SLC6A11: variants seen among roughly 807,000 people sequenced by gnomAD.
SLC6A11 encodes solute carrier family 6 member 11.
Under a neutral mutation model 74.8 loss-of-function variants are expected in SLC6A11, and 25 were observed. The observed-to-expected ratio is 0.33, with a 90% CI of 0.24 to 0.47. The LOEUF is 0.47. SLC6A11 is among the 20% of genes least tolerant of loss of function. The probability of loss-of-function intolerance (pLI) is 1.00; values close to 1 mark genes in which losing one functional copy is unlikely to be tolerated. For synonymous variants in SLC6A11, 330 were observed against 330.2 expected (o/e 1.00, Z 0.01); for missense variants, 574 against 837.0 (o/e 0.69, Z 3.88).
intron 6 of SLC6A11, among the ~76,000 whole-genome samples, chr3:10,904,471 G>C (rs2106621986): frequency 6.6e-6 from 1 of 152,314 alleles, no homozygotes; most frequent in South Asian, 2.1e-4. Context: ...TGCACTGCCA[G>C]AACGCCCCCC....
intron 5 of SLC6A11, among the ~76,000 whole-genome samples, chr3:10,871,557 A>T: frequency 6.6e-6 from 1 of 152,110 alleles, no homozygotes; most frequent in Admixed American, 6.5e-5. Flanking sequence ...GGAGGGGGTG[A>T]TTTTGAAGGA....
chr3:10,935,237 G>A (rs754137627), intron 13 of SLC6A11, 38 bp downstream of exon 13: 3 of 1,598,540 alleles, frequency 1.9e-6, no homozygotes, highest in East Asian at 4.5e-5. Context: ...GTTTGGGCAG[G>A]GTTCGCGCCT....
chr3:10,855,694 AACAG>A (rs71055840), intron 5 of SLC6A11, among the ~76,000 whole-genome samples: 28,469 of 152,094 alleles, frequency 0.19, 3,384 homozygotes, highest in South Asian at 0.34. Flanking sequence ...CAGACTAGTA[AACAG>A]ACAGTTACAA....
chr3:10,937,363 G>C (rs1472996891), intron 13 of SLC6A11, among the ~76,000 whole-genome samples: 1 of 152,210 alleles, frequency 6.6e-6, no homozygotes, highest in Non-Finnish European at 1.5e-5. Flanking sequence ...CACAGAGGAG[G>C]CACCTATTAA....
At chr3:10,883,530 G>T (rs988280589) in intron 6 of SLC6A11, among the ~76,000 whole-genome samples, 2 of 152,148 alleles carry the variant, frequency 1.3e-5, no homozygotes, top group African/African-American at 2.4e-5. Flanking sequence ...CTGAGACTAA[G>T]GCGTCCAAAC....
chr3:10,898,846 C>A (rs1248254514), intron 6 of SLC6A11, among the ~76,000 whole-genome samples: 1 of 152,102 alleles, frequency 6.6e-6, no homozygotes. Context: ...TCCATTTTCA[C>A]GTTGCTGATA....
intron 4 of SLC6A11, 59 bp from the exon 5 acceptor site, chr3:10,844,155 A>G: frequency 1.9e-6 from 3 of 1,606,788 alleles, no homozygotes; most frequent in Non-Finnish European, 2.6e-6. Flanking sequence ...CTGCAGTACT[A>G]GCTTTGCTGA....
At chr3:10,857,528 C>A (rs1694652939) in intron 5 of SLC6A11, among the ~76,000 whole-genome samples, 1 of 152,104 alleles carries the variant, frequency 6.6e-6, no homozygotes, top group Non-Finnish European at 1.5e-5. Flanking sequence ...TGAACTAGAA[C>A]CCCCAGTGAG....
intron 4 of SLC6A11, among the ~76,000 whole-genome samples, chr3:10,837,695 G>A (rs1460314308): frequency 6.6e-6 from 1 of 152,222 alleles, no homozygotes; most frequent in African/African-American, 2.4e-5. Context: ...CCCTGAGGGT[G>A]GAACAGCCTG....
intron 6 of SLC6A11, among the ~76,000 whole-genome samples, chr3:10,909,980 C>A (rs1057398171): frequency 2.0e-5 from 3 of 152,184 alleles, no homozygotes; most frequent in Non-Finnish European, 4.4e-5. Flanking sequence ...TCTCATACCC[C>A]CCACACATCG....
chr3:10,862,307 GT>G, intron 5 of SLC6A11, among the ~76,000 whole-genome samples: 1 of 152,304 alleles, frequency 6.6e-6, no homozygotes, highest in Middle Eastern at 3.4e-3. Context: ...CTGTTGGAAT[GT>G]TTATGTTGCT....
At chr3:10,849,794 C>CAAAAAAAAAAAAAAAAAA (rs56099322) in intron 5 of SLC6A11, among the ~76,000 whole-genome samples, 1 of 87,248 alleles carries the variant, frequency 1.1e-5, no homozygotes, top group Non-Finnish European at 2.2e-5. Flanking sequence ...TTGTTGAAGC[C>CAAAAAAAAAAAAAAAAAA]AAAAAAAAAA....
chr3:10,891,330 C>A (rs1695105383), intron 6 of SLC6A11, among the ~76,000 whole-genome samples: 1 of 152,174 alleles, frequency 6.6e-6, no homozygotes, highest in Non-Finnish European at 1.5e-5. Flanking sequence ...AATATTAACC[C>A]TCAGCATTTA....
At chr3:10,924,633 C>T (rs1695578875) in intron 8 of SLC6A11, among the ~76,000 whole-genome samples, 1 of 151,548 alleles carries the variant, frequency 6.6e-6, no homozygotes, top group Non-Finnish European at 1.5e-5. Flanking sequence ...AAAGAACGCT[C>T]ACAATCAAAT....
intron 5 of SLC6A11, among the ~76,000 whole-genome samples, chr3:10,858,174 T>C (rs978045682): frequency 1.3e-5 from 2 of 152,234 alleles, no homozygotes; most frequent in African/African-American, 4.8e-5. Context: ...ATTAGTGACA[T>C]GATTTTCTGA....
chr3:10,863,343 C>T (rs1338099281), intron 5 of SLC6A11, among the ~76,000 whole-genome samples: 1 of 152,210 alleles, frequency 6.6e-6, no homozygotes, highest in African/African-American at 2.4e-5. Context: ...ATCCTTACAT[C>T]TACCAAGAGA....
intron 5 of SLC6A11, among the ~76,000 whole-genome samples, chr3:10,874,067 C>G (rs1393161538): frequency 6.6e-6 from 1 of 152,110 alleles, no homozygotes; most frequent in East Asian, 1.9e-4. Flanking sequence ...CCTGTGCTAT[C>G]CTAGTCTCTC....
intron 5 of SLC6A11, among the ~76,000 whole-genome samples, chr3:10,858,555 C>T (rs1419020848): frequency 6.6e-6 from 1 of 152,220 alleles, no homozygotes; most frequent in Non-Finnish European, 1.5e-5. Context: ...ATGTACTGCT[C>T]TTGTTGCAAT....
chr3:10,850,419 CTT>C (rs1176321831), intron 5 of SLC6A11, among the ~76,000 whole-genome samples: 2 of 152,214 alleles, frequency 1.3e-5, no homozygotes, highest in African/African-American at 4.8e-5. Context: ...GCTGGGGATT[CTT>C]TTCAATGGCG....
Sources: allele counts gnomAD v4.1 joint callset (sites outside exome capture counted in the v4.1 genomes callset), GRCh38; gene constraint gnomAD v4.1.1; transcripts MANE v1.5; gene names NCBI Gene and HGNC (gene_info 2026-07-23, HGNC 2026-07-21).